IMMP2L: variants seen among roughly 807,000 people sequenced by gnomAD.
IMMP2L encodes mitochondrial inner membrane protease subunit 2.
IMMP2L carries 18 observed loss-of-function variants against 19.3 expected under a neutral mutation model. The ratio of observed to expected loss-of-function variants is 0.93; its 90% CI spans 0.64 to 1.38. The LOEUF (loss-of-function observed/expected upper bound fraction) is 1.38, where lower values mean the gene tolerates loss of function less well. Ranked by LOEUF, IMMP2L falls within the 40% of genes most tolerant of loss-of-function variation. IMMP2L has a pLI of 0.00. For synonymous variants in IMMP2L, 76 were observed against 73.0 expected (o/e 1.04, Z -0.21); for missense variants, 233 against 218.2 (o/e 1.07, Z -0.43).
chr7:110,982,292 C>G lies in IMMP2L; in HGVS notation c.240-18727G>C, dbSNP rs181104464. 1.9e-4 allele frequency among the ~76,000 whole-genome samples: 29 copies of G among 152,250 alleles called. No homozygotes were observed. The East Asian group carries it at 5.0e-3, about 26-fold the overall frequency. On this transcript the variant is annotated intron_variant, in intron 3 of 5. Transcript: ENST00000405709. ...TATAAAACTGAATCAGGTCACATAT[C>G]CAAGTACACACCTCCAGGAAGAGGC...
At chr7:110,910,626 C>G (rs1373511119) in intron 4 of IMMP2L, among the ~76,000 whole-genome samples, 1 of 152,124 alleles carries the variant, frequency 6.6e-6, no homozygotes, top group Non-Finnish European at 1.5e-5. Context: ...GGCATCAAAG[C>G]TGACTCCACA....
rs191471586 is a variant in IMMP2L, at chr7:110,718,626, G to C, written c.409-54905C>G. Reference sequence around the variant, plus strand: ...CTAGCCTGGGAGGAGGTTGGCAATCGTTTAAGTTGGTGGAGATAACTGAAG... The same window carrying C: ...CTAGCCTGGGAGGAGGTTGGCAATCCTTTAAGTTGGTGGAGATAACTGAAG... On this transcript the variant is annotated intron_variant, in intron 5 of 5. Transcript: ENST00000405709. Among the ~76,000 whole-genome samples, 260 of 152,284 alleles carry C rather than the reference G, an allele frequency of 1.7e-3. 3 individuals are homozygous for C. Among genetic ancestry groups the C allele is most frequent in the East Asian group, 2.7e-3 (14 of 5,178 alleles).
chr7:111,058,563 C>T (rs544842740), intron 3 of IMMP2L, among the ~76,000 whole-genome samples: 46 of 152,186 alleles, frequency 3.0e-4, no homozygotes, highest in African/African-American at 1.0e-3. Flanking sequence ...AATGAATTTG[C>T]GCATTTATGA....
At chr7:110,672,057 T>G (rs949239577) in intron 5 of IMMP2L, among the ~76,000 whole-genome samples, 8 of 152,120 alleles carry the variant, frequency 5.3e-5, no homozygotes, top group Non-Finnish European at 1.2e-4. Flanking sequence ...TCAGAACTTG[T>G]ATTATTCCAT....
At chr7:111,016,469 T>G (rs1474603864) in intron 3 of IMMP2L, among the ~76,000 whole-genome samples, 3 of 133,314 alleles carry the variant, frequency 2.3e-5, no homozygotes, top group Non-Finnish European at 3.1e-5. Flanking sequence ...TATATATTTA[T>G]GTAGTTTATA....
intron 5 of IMMP2L, among the ~76,000 whole-genome samples, chr7:110,773,540 A>T: frequency 6.6e-6 from 1 of 152,180 alleles, no homozygotes. Context: ...CTCTGGCCAA[A>T]CACCGTCTGG....
At chr7:111,010,027 G>A (rs899951135) in intron 3 of IMMP2L, among the ~76,000 whole-genome samples, 6 of 152,078 alleles carry the variant, frequency 3.9e-5, no homozygotes, top group African/African-American at 1.4e-4. Context: ...ATTTACAATT[G>A]AGTCCTAATT....
rs79209254 is a variant in IMMP2L at position 111,311,839 on chromosome 7, C to T, written c.239+175399G>A. On this transcript the variant is annotated intron_variant, in intron 3 of 5. Coordinates refer to ENST00000405709, the MANE Select transcript of IMMP2L (RefSeq NM_032549.4). The stretch of plus-strand genomic sequence containing the variant: ...TCACTCTGGCTCTTCCACCCATTAT[C>T]GCAATTGTACTCACTTTGCTTCCAG... Among the ~76,000 whole-genome samples, 122 of 152,264 alleles carry T rather than the reference C, an allele frequency of 8.0e-4. 1 individual carries two copies. In the East Asian group the frequency reaches 0.02, roughly 25 times the overall value.
At chr7:111,438,594 A>C (rs879760229) in intron 3 of IMMP2L, among the ~76,000 whole-genome samples, 4 of 151,926 alleles carry the variant, frequency 2.6e-5, no homozygotes, top group Non-Finnish European at 5.9e-5. Context: ...ATTCACACAA[A>C]GCTGTGTTGT....
At chr7:111,030,510 C>G (rs910357240) in intron 3 of IMMP2L, among the ~76,000 whole-genome samples, 4 of 152,038 alleles carry the variant, frequency 2.6e-5, no homozygotes, top group Non-Finnish European at 5.9e-5. Context: ...ACACAACAAA[C>G]ATGAGGAAGT....
At chr7:110,993,544 C>T (rs924161343) in intron 3 of IMMP2L, among the ~76,000 whole-genome samples, 3 of 151,786 alleles carry the variant, frequency 2.0e-5, no homozygotes, top group Admixed American at 6.6e-5. Context: ...AAAGCCAATC[C>T]TTCTCTCTCT....
At chr7:111,380,341 T>C (rs1831077994) in intron 3 of IMMP2L, among the ~76,000 whole-genome samples, 1 of 151,984 alleles carries the variant, frequency 6.6e-6, no homozygotes. Flanking sequence ...TTCAGCCAGA[T>C]AATGATCGTT....
At chr7:110,965,742 T>A (rs1819473244) in intron 3 of IMMP2L, among the ~76,000 whole-genome samples, 1 of 151,954 alleles carries the variant, frequency 6.6e-6, no homozygotes, top group African/African-American at 2.4e-5. Context: ...AATAATTGCA[T>A]ATCAAAATAA....
At chr7:111,296,061 ACTCTT>A (rs1821605371) in intron 3 of IMMP2L, among the ~76,000 whole-genome samples, 1 of 151,276 alleles carries the variant, frequency 6.6e-6, no homozygotes, top group Non-Finnish European at 1.5e-5. Context: ...AAAAGCTTCT[ACTCTT>A]AAAAATACAT....
intron 3 of IMMP2L, among the ~76,000 whole-genome samples, chr7:110,995,312 C>A (rs1390715003): frequency 6.6e-6 from 1 of 152,096 alleles, no homozygotes; most frequent in Admixed American, 6.6e-5. Flanking sequence ...ATAATGATTT[C>A]TGTAGTAAGG....
chr7:111,301,794 T>C (rs1244154610), intron 3 of IMMP2L, among the ~76,000 whole-genome samples: 2 of 151,972 alleles, frequency 1.3e-5, no homozygotes, highest in Admixed American at 6.6e-5. Context: ...GTGTTTCATA[T>C]ACTATGCCAT....
intron 2 of IMMP2L, among the ~76,000 whole-genome samples, chr7:111,497,597 G>A (rs546190286): frequency 2.0e-5 from 3 of 152,040 alleles, no homozygotes; most frequent in South Asian, 2.1e-4. Flanking sequence ...AAGACAGGAC[G>A]GAAGAAAAAA....
chr7:110,762,551 T>C (rs567180131), intron 5 of IMMP2L, among the ~76,000 whole-genome samples: 2 of 152,296 alleles, frequency 1.3e-5, no homozygotes, highest in East Asian at 3.9e-4. Context: ...TTCAAAATCT[T>C]GTATTTATCC....
At chr7:110,704,380 C>A (rs1168054978) in intron 5 of IMMP2L, among the ~76,000 whole-genome samples, 1 of 152,190 alleles carries the variant, frequency 6.6e-6, no homozygotes, top group African/African-American at 2.4e-5. Flanking sequence ...ACAATACTGT[C>A]ACACCTATTA....
Sources: gnomAD v4.1 joint callset for allele counts (sites outside exome capture counted in the v4.1 genomes callset) on GRCh38, gnomAD v4.1.1 for gene constraint, MANE v1.5 for transcripts, NCBI Gene and HGNC (gene_info 2026-07-23, HGNC 2026-07-21) for gene names.